APBA2: variants seen among roughly 807,000 people sequenced by gnomAD.
APBA2 encodes the protein amyloid beta precursor protein binding family A member 2, also known as amyloid-beta A4 precursor protein-binding family A member 2.
Under a neutral mutation model 75.0 loss-of-function variants are expected in APBA2, and 30 were observed. That is an observed-to-expected ratio of 0.40 (90% CI 0.30 to 0.54). The LOEUF (loss-of-function observed/expected upper bound fraction) is 0.54, where lower values mean the gene tolerates loss of function less well. APBA2 is among the 20% of genes least tolerant of loss of function. The pLI, the probability that APBA2 is intolerant of heterozygous loss-of-function variation, is 0.49. For synonymous variants in APBA2, 444 were observed against 409.6 expected, an observed-to-expected ratio of 1.08 and a Z score of -1.01; for missense variants, 801 against 1,016.1, an observed-to-expected ratio of 0.79 and a Z score of 2.88.
intron 6 of APBA2, among the ~76,000 whole-genome samples, chr15:29,089,120 G>C (rs569694732): frequency 6.6e-6 from 1 of 152,274 alleles, no homozygotes; most frequent in South Asian, 2.1e-4. Flanking sequence ...TGATGCATTT[G>C]TTCTGTGGCT....
intron 12 of APBA2, 103 bp from the exon 13 acceptor site, chr15:29,108,167 T>C (rs112041056): frequency 6.5e-7 from 1 of 1,550,290 alleles, no homozygotes; most frequent in Non-Finnish European, 8.8e-7. Context: ...CCATTGTGTG[T>C]TCTCACTGCC....
At chr15:28,950,605 C>T (rs138292570) in intron 2 of APBA2, among the ~76,000 whole-genome samples, 1,656 of 148,214 alleles carry the variant, frequency 0.011, 25 homozygotes, top group African/African-American at 0.04. Context: ...CCACCCTAGG[C>T]GACAGAGTGA....
At chr15:29,099,428 G>GT (rs1423824253) in intron 9 of APBA2, among the ~76,000 whole-genome samples, 2 of 152,226 alleles carry the variant, frequency 1.3e-5, no homozygotes, top group Non-Finnish European at 2.9e-5. Context: ...GCAAGGGGCT[G>GT]TGACAACAGA....
At chr15:29,003,675 G>A (rs2038967828) in intron 3 of APBA2, among the ~76,000 whole-genome samples, 1 of 152,362 alleles carries the variant, frequency 6.6e-6, no homozygotes, top group African/African-American at 2.4e-5. Context: ...CGTGGTTTTG[G>A]GACCTGGCCA....
At chr15:29,093,350 G>A (rs945450190) in intron 7 of APBA2, 130 bp downstream of exon 7, 12 of 1,383,874 alleles carry the variant, frequency 8.7e-6, no homozygotes, top group African/African-American at 2.9e-5. Flanking sequence ...GGGCAGGAGC[G>A]GCCCAGGTGC....
rs184083954 is a variant in APBA2, at chr15:28,940,235, G to A, written c.-95+18486G>A. ...CGGGTTAAGAAAGCCTCGGGAGGCT[G>A]GGCGTGGTGGCTCACGCCTGTAATC... is the stretch of plus-strand genomic sequence containing the variant. On this transcript the variant is annotated intron_variant, in intron 2 of 14. Transcript: ENST00000683413. 4.5e-3 allele frequency among the ~76,000 whole-genome samples: 684 copies of A among 151,950 alleles called. 6 individuals carry two copies. Among genetic ancestry groups the A allele is most frequent in the African/African-American group, 0.016 (663 of 41,440 alleles).
chr15:29,062,751 C>T (rs1407913140), intron 4 of APBA2, among the ~76,000 whole-genome samples: 2 of 152,178 alleles, frequency 1.3e-5, no homozygotes, highest in Non-Finnish European at 2.9e-5. Context: ...CAAACACACC[C>T]TAGTCCTCGG....
At chr15:29,085,845 A>G (rs1046953654) in intron 6 of APBA2, among the ~76,000 whole-genome samples, 1 of 152,096 alleles carries the variant, frequency 6.6e-6, no homozygotes, top group African/African-American at 2.4e-5. Flanking sequence ...AGAGACTGTA[A>G]TCTGGGTAGT....
At chr15:29,062,590 T>A (rs1283490609) in intron 4 of APBA2, among the ~76,000 whole-genome samples, 1 of 152,096 alleles carries the variant, frequency 6.6e-6, no homozygotes, top group Non-Finnish European at 1.5e-5. Flanking sequence ...CAGGGAGCAG[T>A]TTATCTATCA....
intron 8 of APBA2, 128 bp downstream of exon 8, chr15:29,094,441 C>T (rs1176785684): frequency 3.4e-6 from 3 of 876,708 alleles, no homozygotes; most frequent in Non-Finnish European, 5.8e-6. Flanking sequence ...TTTCCTCTTC[C>T]CTTGGTAGGT....
intron 7 of APBA2, among the ~76,000 whole-genome samples, chr15:29,093,489 T>G (rs1254163558): frequency 6.6e-6 from 1 of 152,350 alleles, no homozygotes; most frequent in African/African-American, 2.4e-5. Flanking sequence ...TCCAAAGCAT[T>G]CTAGTCATCA....
chr15:28,997,252 C>T (rs1169625794), intron 3 of APBA2, among the ~76,000 whole-genome samples: 1 of 152,150 alleles, frequency 6.6e-6, no homozygotes, highest in Non-Finnish European at 1.5e-5. Flanking sequence ...GACAATCAGC[C>T]CTCGTCCATG....
intron 13 of APBA2, among the ~76,000 whole-genome samples, chr15:29,111,110 A>G (rs1337836263): frequency 6.6e-6 from 1 of 151,958 alleles, no homozygotes; most frequent in South Asian, 2.1e-4. Flanking sequence ...TCTGAAGACA[A>G]CATCTCCGGG....
intron 6 of APBA2, among the ~76,000 whole-genome samples, chr15:29,087,982 C>T (rs770489385): frequency 2.6e-5 from 4 of 152,210 alleles, no homozygotes; most frequent in Non-Finnish European, 5.9e-5. Flanking sequence ...CACACCACCC[C>T]GCTCTACCTG....
intron 2 of APBA2, among the ~76,000 whole-genome samples, chr15:28,978,431 C>T (rs1214008472): frequency 2.0e-5 from 3 of 152,158 alleles, no homozygotes; most frequent in African/African-American, 7.2e-5. Flanking sequence ...TGAGGCTTGC[C>T]CCAGGCCGGT....
At chr15:29,090,770 G>A (rs925916361) in intron 6 of APBA2, among the ~76,000 whole-genome samples, 13 of 152,296 alleles carry the variant, frequency 8.5e-5, no homozygotes, top group African/African-American at 2.9e-4. Context: ...ACTGGGGGGT[G>A]CCTGTTGAGC....
chr15:29,061,911 G>GC (rs1008562333), intron 4 of APBA2, among the ~76,000 whole-genome samples: 12 of 152,132 alleles, frequency 7.9e-5, no homozygotes, highest in South Asian at 2.1e-4. Flanking sequence ...GCACCCAGGC[G>GC]CCCCCCCTCC....
intron 3 of APBA2, among the ~76,000 whole-genome samples, chr15:29,029,665 G>A (rs2040390647): frequency 6.6e-6 from 1 of 152,090 alleles, no homozygotes; most frequent in African/African-American, 2.4e-5. Context: ...TATCGTGGGG[G>A]TGGAGGGAGG....
chr15:28,922,369 CACTGGTGGCCACCACAGTT>C (rs2034016393), intron 2 of APBA2, among the ~76,000 whole-genome samples: 1 of 152,236 alleles, frequency 6.6e-6, no homozygotes. Flanking sequence ...CAGCCCAAGA[CACTGGTGGCCACCACAGTT>C]AGTCCCCACA....
Sources: gnomAD v4.1 joint callset for allele counts (sites outside exome capture counted in the v4.1 genomes callset) on GRCh38, gnomAD v4.1.1 for gene constraint, MANE v1.5 for transcripts, NCBI Gene and HGNC (gene_info 2026-07-23, HGNC 2026-07-21) for gene names.